Variants in POU2F1 observed in about 807,000 individuals in gnomAD.
POU2F1 encodes the protein POU class 2 homeobox 1.
A neutral mutation model predicts 84.9 loss-of-function variants in POU2F1; 16 were observed. That is an observed-to-expected ratio of 0.19 (90% CI 0.13 to 0.29). POU2F1 has a LOEUF of 0.29. Among genes scored for constraint, POU2F1 ranks in the 10% least tolerant of loss-of-function variants. The probability of loss-of-function intolerance (pLI) is 1.00; values close to 1 mark genes in which losing one functional copy is unlikely to be tolerated. For missense variants in POU2F1, 738 were observed against 942.6 expected, an observed-to-expected ratio of 0.78 and a Z score of 2.84; for synonymous variants, 368 against 368.3, an observed-to-expected ratio of 1.00 and a Z score of 0.01.
At chr1:167,330,834 G>A (rs776191519) in intron 1 of POU2F1, among the ~76,000 whole-genome samples, 6 of 152,054 alleles carry the variant, frequency 3.9e-5, no homozygotes, top group Non-Finnish European at 5.9e-5. Context: ...ACATATGTGA[G>A]AAAACTGTTA....
At position 167,350,985 on chromosome 1, in the gene POU2F1, C is replaced by T. The variant is rs148260676; in HGVS notation, c.128-14482C>T. Reference sequence around the variant, plus strand: ...TGCACTCCAGCCTGGGCAACAAAAGCGAAACTCCATCTCAAAAAAAAAAGT... The same window carrying T: ...TGCACTCCAGCCTGGGCAACAAAAGTGAAACTCCATCTCAAAAAAAAAAGT... On this transcript the variant is annotated intron_variant, in intron 2 of 15. Transcript: ENST00000367866. 6.3e-3 allele frequency among the ~76,000 whole-genome samples: 943 copies of T among 150,874 alleles called. 12 individuals are homozygous for T. The highest frequency in any genetic ancestry group is 0.022 in the African/African-American group (887 of 41,128).
intron 1 of POU2F1, among the ~76,000 whole-genome samples, chr1:167,294,864 T>C (rs1007315824): frequency 2.0e-5 from 3 of 152,200 alleles, no homozygotes; most frequent in Admixed American, 6.5e-5. Flanking sequence ...CTGGGCACGG[T>C]GGCTCACACC....
chr1:167,274,812 G>A (rs913867412), intron 1 of POU2F1, among the ~76,000 whole-genome samples: 6 of 152,022 alleles, frequency 3.9e-5, no homozygotes, highest in African/African-American at 1.2e-4. Context: ...CAGTTCTTGC[G>A]AAAATGCTTG....
At chr1:167,371,400 C>T (rs1008953384) in intron 4 of POU2F1, among the ~76,000 whole-genome samples, 7 of 152,138 alleles carry the variant, frequency 4.6e-5, no homozygotes, top group African/African-American at 1.7e-4. Context: ...TCTCTTCGTG[C>T]CCCTCTCTCT....
Position 167,389,165 on chromosome 1 carries a change from G to A in POU2F1, c.814-423G>A, listed in dbSNP as rs75224500. Among the ~76,000 whole-genome samples, 580 of 152,250 alleles carry A rather than the reference G, an allele frequency of 3.8e-3. 3 individuals carry two copies. The highest frequency in any genetic ancestry group is 0.013 in the African/African-American group (558 of 41,546). ...TCTTGAATACTGTTTTTATAATACT[G>A]TGTCACAGGTTGGAGATGTAATAGT... On this transcript the variant is annotated intron_variant, in intron 8 of 15. Transcript: ENST00000367866.
chr1:167,361,773 A>G (rs930881607), intron 2 of POU2F1, among the ~76,000 whole-genome samples: 1 of 152,160 alleles, frequency 6.6e-6, no homozygotes, highest in Non-Finnish European at 1.5e-5. Flanking sequence ...TACGGCTGGT[A>G]AAATTTGGCT....
intron 13 of POU2F1, among the ~76,000 whole-genome samples, chr1:167,406,627 AAAAAAAGGTATCTAGG>A (rs1649598026): frequency 6.7e-6 from 1 of 149,982 alleles, no homozygotes. Flanking sequence ...GGAATTCACC[AAAAAAAGGTATCTAGG>A]ACTAATCAAT....
chr1:167,306,389 G>A (rs1004157938), intron 1 of POU2F1, among the ~76,000 whole-genome samples: 1 of 152,076 alleles, frequency 6.6e-6, no homozygotes, highest in Admixed American at 6.5e-5. Flanking sequence ...ATACTCAAGA[G>A]CATCGCTTAA....
intron 2 of POU2F1, among the ~76,000 whole-genome samples, chr1:167,346,612 C>T (rs966410460): frequency 1.6e-4 from 25 of 152,310 alleles, no homozygotes; most frequent in Non-Finnish European, 3.5e-4. Flanking sequence ...AGATCCCTCG[C>T]ATACACTGTT....
intron 13 of POU2F1, among the ~76,000 whole-genome samples, chr1:167,409,455 A>G (rs1649809423): frequency 6.6e-6 from 1 of 152,250 alleles, no homozygotes; most frequent in South Asian, 2.1e-4. Context: ...AAGTTACCCA[A>G]GTAATTAAAT....
chr1:167,263,958 T>A (rs1651761257), intron 1 of POU2F1, among the ~76,000 whole-genome samples: 1 of 152,184 alleles, frequency 6.6e-6, no homozygotes, highest in African/African-American at 2.4e-5. Context: ...TTTTTGTAAT[T>A]GCTATGTGCC....
chr1:167,293,120 C>T (rs1008092656), intron 1 of POU2F1, among the ~76,000 whole-genome samples: 3 of 152,138 alleles, frequency 2.0e-5, no homozygotes, highest in African/African-American at 7.2e-5. Flanking sequence ...CCACTTTTAC[C>T]CCTTCTATTT....
intron 2 of POU2F1, among the ~76,000 whole-genome samples, chr1:167,349,780 TC>T (rs1658437064): frequency 6.6e-6 from 1 of 152,206 alleles, no homozygotes; most frequent in Non-Finnish European, 1.5e-5. Flanking sequence ...TTTTGTTTGT[TC>T]CTAAATAATT....
chr1:167,385,259 T>C (rs1400958406), intron 8 of POU2F1, among the ~76,000 whole-genome samples: 1 of 152,146 alleles, frequency 6.6e-6, no homozygotes, highest in East Asian at 1.9e-4. Flanking sequence ...TGTCAGTTTT[T>C]CCCAAATTGA....
Position 167,416,087 on chromosome 1 carries a change from T to TAAAAAAAAAAA in POU2F1, c.*286_*296dup, listed in dbSNP as rs34032944. On this transcript the variant is annotated 3_prime_UTR_variant, in exon 16 of 16. Transcript: ENST00000367866. The stretch of plus-strand genomic sequence containing the variant: ...ATTGGAGAACTTTCTAACCAAAAAT[T>TAAAAAAAAAAA]AAAAAAAAAAAAAAAAAAAGAAACA... 48 of 351,652 alleles carry TAAAAAAAAAAA rather than the reference T, an allele frequency of 1.4e-4. No homozygotes were observed. Among genetic ancestry groups the TAAAAAAAAAAA allele is most frequent in the East Asian group, 4.0e-4 (5 of 12,506 alleles). The allele number at this position is 351,652 out of a possible 1,614,324, so 21.8% of individuals were successfully genotyped here. A position where few individuals can be genotyped will look rare whatever the true frequency, so the allele number is the denominator to read the frequency against.
chr1:167,277,653 C>A (rs1370314124), intron 1 of POU2F1, among the ~76,000 whole-genome samples: 1 of 152,126 alleles, frequency 6.6e-6, no homozygotes, highest in Non-Finnish European at 1.5e-5. Flanking sequence ...AAAGCTCAGT[C>A]CTAGGCTTCC....
intron 9 of POU2F1, among the ~76,000 whole-genome samples, chr1:167,392,553 C>T (rs1648500760): frequency 6.6e-6 from 1 of 152,070 alleles, no homozygotes; most frequent in Non-Finnish European, 1.5e-5. Context: ...TTTAAAAATC[C>T]TTATCTTTTA....
intron 4 of POU2F1, 49 bp from the exon 5 acceptor site, chr1:167,371,867 CT>C: frequency 1.2e-6 from 2 of 1,608,696 alleles, no homozygotes; most frequent in Non-Finnish European, 1.7e-6. Context: ...AAGTACATTT[CT>C]TTTAATCAAC....
At chr1:167,413,762 A>G (rs575254054) in intron 15 of POU2F1, among the ~76,000 whole-genome samples, 6 of 152,312 alleles carry the variant, frequency 3.9e-5, no homozygotes, top group East Asian at 1.9e-4. Context: ...CCACTTGTTT[A>G]GTACCTAAGC....
Sources: gnomAD v4.1 joint callset for allele counts (sites outside exome capture counted in the v4.1 genomes callset) on GRCh38, gnomAD v4.1.1 for gene constraint, MANE v1.5 for transcripts, NCBI Gene and HGNC (gene_info 2026-07-23, HGNC 2026-07-21) for gene names.